The following MMACHC variants were observed in gnomAD, a reference collection of about 807,000 sequenced individuals.
MMACHC encodes cyanocobalamin reductase / alkylcobalamin dealkylase.
MMACHC carries 14 observed loss-of-function variants against 17.6 expected under a neutral mutation model. That is an observed-to-expected ratio of 0.80 (90% confidence interval 0.53 to 1.25). The LOEUF (loss-of-function observed/expected upper bound fraction) is 1.25, where lower values mean the gene tolerates loss of function less well. Among genes scored for constraint, MMACHC ranks in the 50% most tolerant of loss-of-function variants. MMACHC has a pLI of 0.00. For missense variants in MMACHC, 392 were observed against 364.5 expected (o/e 1.08, Z -0.62); for synonymous variants, 151 against 142.1 (o/e 1.06, Z -0.45).
Position 45,507,298 on chromosome 1 carries a change from G to A in MMACHC, c.82-58G>A, listed in dbSNP as rs1322518079. ...GTGTGAGGCCTGAAGGTTAAGGTGTGGGCCAGGCTGAGGCCTAGACTGGCC... is the reference window on the plus strand; with the variant it reads ...GTGTGAGGCCTGAAGGTTAAGGTGTAGGCCAGGCTGAGGCCTAGACTGGCC... On this transcript the variant is annotated intron_variant, in intron 1 of 3. Transcript: ENST00000401061. The A allele has an allele frequency of 1.9e-6, 3 of 1,548,648 alleles. No individual in the cohort carries two copies. In the East Asian group the frequency reaches 6.8e-5, roughly 35 times the overall value.
In MMACHC at chr1:45,510,116, A is replaced by AG. The variant is rs1557610085; in HGVS notation, c.*901_*902insG. On this transcript the variant is annotated 3_prime_UTR_variant, in exon 4 of 4. Coordinates refer to ENST00000401061, the MANE Select transcript of MMACHC (RefSeq NM_015506.3). Reference sequence around the variant, plus strand: ...AAGTACCTACCTCAGGTAGGGACTGAATAAACACGTGTAAGGCACTTTGGA... The same window carrying AG: ...AAGTACCTACCTCAGGTAGGGACTGAGATAAACACGTGTAAGGCACTTTGGA... 2 of 151,764 alleles carry AG rather than the reference A, an allele frequency of 1.3e-5. No homozygotes were observed. The highest frequency in any genetic ancestry group is 2.9e-5 in the Non-Finnish European group (2 of 68,006). 9.4% of individuals were successfully genotyped at this position (151,764 alleles called of 1,614,324 possible). A position where few individuals can be genotyped will look rare whatever the true frequency, so the allele number is the denominator to read the frequency against.
intron 1 of MMACHC, among the ~76,000 whole-genome samples, chr1:45,504,732 A>C (rs1275394883): frequency 3.9e-5 from 6 of 152,094 alleles, no homozygotes; most frequent in South Asian, 2.1e-4. Context: ...CAAAAAAAAG[A>C]AGCAGAAAAA....
In MMACHC at chr1:45,509,718, C is replaced by CT. The variant is rs371142358; in HGVS notation, c.*504dup. The CT allele has an allele frequency of 4.6e-4, 72 of 157,620 alleles. No individual in the cohort carries two copies. The East Asian group carries it at 0.013, about 29-fold the overall frequency. The allele number at this position is 157,620 out of a possible 1,614,324, so 9.8% of individuals were successfully genotyped here. A position where few individuals can be genotyped will look rare whatever the true frequency, so the allele number is the denominator to read the frequency against. On this transcript the variant is annotated 3_prime_UTR_variant, in exon 4 of 4. Transcript: ENST00000401061. ...TGAGCCACCGCACCCAGCCAAGACT[C>CT]TATCTGTTCCCATTTCTAAGCAGTT...
intron 1 of MMACHC, among the ~76,000 whole-genome samples, chr1:45,506,301 G>C (rs6658660): frequency 0.052 from 7,871 of 152,122 alleles, 709 homozygotes; most frequent in African/African-American, 0.18. Flanking sequence ...ATCATATGTT[G>C]ATTCTGCTTT....
Position 45,509,233 on chromosome 1 carries a change from C to G in MMACHC, c.*18C>G. The G allele has an allele frequency of 6.2e-7, 1 of 1,613,894 alleles. No homozygotes were observed. The highest frequency in any genetic ancestry group is 8.5e-7 in the Non-Finnish European group (1 of 1,180,008). On this transcript the variant is annotated 3_prime_UTR_variant, in exon 4 of 4. Coordinates refer to ENST00000401061, the MANE Select transcript of MMACHC (RefSeq NM_015506.3). ...GCCCTTGATTTTCTCCCATGTGGAC[C>G]CTGATTTATGGTGGTACTTGCTAGG...
intron 2 of MMACHC, 56 bp downstream of exon 2, chr1:45,507,606 T>A (rs1643653700): frequency 7.6e-6 from 12 of 1,584,280 alleles, no homozygotes; most frequent in Non-Finnish European, 1.0e-5. Context: ...CTCCAGTTCC[T>A]CCACACTCAA....
chr1:45,505,143 G>A (rs1454458093), intron 1 of MMACHC, among the ~76,000 whole-genome samples: 1 of 146,704 alleles, frequency 6.8e-6, no homozygotes. Context: ...AAAAAGGGCC[G>A]TTTTGTTTTT....
intron 1 of MMACHC, among the ~76,000 whole-genome samples, chr1:45,507,041 T>A (rs1459841735): frequency 2.0e-5 from 3 of 151,806 alleles, no homozygotes; most frequent in Admixed American, 6.6e-5. Flanking sequence ...GTAGTGCACA[T>A]CGTAATCCCA....
intron 1 of MMACHC, among the ~76,000 whole-genome samples, chr1:45,501,335 C>T (rs1288932734): frequency 3.3e-5 from 5 of 152,196 alleles, no homozygotes; most frequent in Non-Finnish European, 7.4e-5. Flanking sequence ...AAAGCTAAAT[C>T]AGCTCAGCTT....
chr1:45,509,439 A>T lies in MMACHC; in HGVS notation c.*224A>T, dbSNP rs1174545960. ...GAGTTTTTTTTTTTTTTTTAGACAG[A>T]GTCTTACTCTGTCACCTAGGCTGGA... On this transcript the variant is annotated 3_prime_UTR_variant, in exon 4 of 4. Coordinates refer to ENST00000401061, the MANE Select transcript of MMACHC (RefSeq NM_015506.3). 8 of 386,904 alleles carry T rather than the reference A, an allele frequency of 2.1e-5. No individual in the cohort carries two copies. The highest frequency in any genetic ancestry group is 3.4e-5 in the Non-Finnish European group (8 of 237,060). 24.0% of individuals were successfully genotyped at this position (386,904 alleles called of 1,614,324 possible).
In MMACHC at chr1:45,508,932, G is replaced by GT. The variant is rs1463495909; in HGVS notation, c.567dup (p.Ile190TyrfsTer13). 4.3e-6 allele frequency: 7 copies of GT among 1,614,050 alleles called. No individual in the cohort carries two copies. The highest frequency in any genetic ancestry group is 4.5e-5 in the East Asian group (2 of 44,894). On this transcript the variant is annotated frameshift_variant, in exon 4 of 4. Coordinates refer to ENST00000401061, the MANE Select transcript of MMACHC (RefSeq NM_015506.3). LOFTEE classifies it low-confidence loss of function (END_TRUNC). Reference sequence around the variant, plus strand: ...GACTGTGTACCTACAAGAGCTGACCGTATCGCCCTACTCGAAGGCTTCAAT... The same window carrying GT: ...GACTGTGTACCTACAAGAGCTGACCGTTATCGCCCTACTCGAAGGCTTCAAT...
chr1:45,503,002 G>A (rs1010152989), intron 1 of MMACHC, among the ~76,000 whole-genome samples: 2 of 152,032 alleles, frequency 1.3e-5, no homozygotes, highest in African/African-American at 2.4e-5. Context: ...ACCATGCCCG[G>A]CCACAAGGAA....
chr1:45,505,901 CAAAA>C (rs35613117), intron 1 of MMACHC, among the ~76,000 whole-genome samples: 2 of 127,816 alleles, frequency 1.6e-5, no homozygotes, highest in Admixed American at 7.8e-5. Context: ...GACTCCGTCT[CAAAA>C]AAAAAAAAAA....
chr1:45,504,690 A>C (rs1275757134), intron 1 of MMACHC, among the ~76,000 whole-genome samples: 1 of 152,106 alleles, frequency 6.6e-6, no homozygotes, highest in Non-Finnish European at 1.5e-5. Flanking sequence ...ACCTCACTGC[A>C]CTCTAGCCTA....
At chr1:45,508,457 T>C in intron 3 of MMACHC, 93 bp downstream of exon 3, 1 of 1,439,836 alleles carries the variant, frequency 6.9e-7, no homozygotes. Context: ...TGGATGGATG[T>C]GACACAACCC....
chr1:45,507,529 C>T lies in MMACHC; in HGVS notation c.255C>T (p.Tyr85=), dbSNP rs2149323280. The change falls in exon 2 of 4, where the codon TAC becomes TAT. Residue 85 remains tyrosine (Y), a synonymous_variant. Coordinates refer to ENST00000401061, the MANE Select transcript of MMACHC (RefSeq NM_015506.3). ...LTDPVDQCVA[Y]HLGRVRESLP... Reference sequence around the variant, plus strand: ...ACCCAGTGGACCAGTGTGTGGCCTACCATCTGGGCCGTGTTAGAGAGGTGA... The same window carrying T: ...ACCCAGTGGACCAGTGTGTGGCCTATCATCTGGGCCGTGTTAGAGAGGTGA... 4.3e-6 allele frequency: 7 copies of T among 1,614,204 alleles called. No individual in the cohort carries two copies. Among genetic ancestry groups the T allele is most frequent in the Non-Finnish European group, 5.9e-6 (7 of 1,180,040 alleles).
rs1643756362 is a variant in MMACHC, at chr1:45,511,947, T to A, written c.*2732T>A. 6.6e-6 allele frequency: 1 copy of A among 152,216 alleles called. No homozygotes were observed. Among genetic ancestry groups the A allele is most frequent in the Non-Finnish European group, 1.5e-5 (1 of 68,096 alleles). 9.4% of individuals were successfully genotyped at this position (152,216 alleles called of 1,614,324 possible). A position where few individuals can be genotyped will look rare whatever the true frequency, so the allele number is the denominator to read the frequency against. On this transcript the variant is annotated 3_prime_UTR_variant, in exon 4 of 4. Coordinates refer to ENST00000401061, the MANE Select transcript of MMACHC (RefSeq NM_015506.3). ...ACCCCTTGGTAAGCAAAAGGCAGAG[T>A]TTGAAATTTTTCATAGATTTATACA...
At position 45,507,430 on chromosome 1, in the gene MMACHC, A is replaced by G. The variant is rs763931975; in HGVS notation, c.156A>G (p.Val52=). ...CAGGACCTACCCTGGCCTTCCTGGT[A>G]CTCAGCACGCCTGCCATGTTTGACC... ...PLPGPTLAFL[V]LSTPAMFDRA... Residue 52 remains valine (V), a synonymous_variant, in exon 2 of 4, where the codon GTA becomes GTG. Transcript: ENST00000401061. 6 of 1,613,978 alleles carry G rather than the reference A, an allele frequency of 3.7e-6. No homozygotes were observed. The African/African-American group carries it at 6.7e-5, about 18-fold the overall frequency.
In MMACHC at chr1:45,511,433, A is replaced by G. The variant is rs1397241707; in HGVS notation, c.*2218A>G. ...GGGCACACTGCAAGAGAAAGGCACC[A>G]CTAATTAATAACCTTCTCAATGGTA... On this transcript the variant is annotated 3_prime_UTR_variant, in exon 4 of 4. Coordinates refer to ENST00000401061, the MANE Select transcript of MMACHC (RefSeq NM_015506.3). 6.9e-6 allele frequency: 11 copies of G among 1,601,530 alleles called. No individual in the cohort carries two copies. The African/African-American group carries it at 1.1e-4, about 16-fold the overall frequency.
Sources: gnomAD v4.1 joint callset for allele counts (sites outside exome capture counted in the v4.1 genomes callset) on GRCh38, gnomAD v4.1.1 for gene constraint, MANE v1.5 for transcripts, NCBI Gene and HGNC (gene_info 2026-07-23, HGNC 2026-07-21) for gene names.